Variants in CEACAM4 observed in about 807,000 individuals in gnomAD.
CEACAM4 encodes CEA cell adhesion molecule 4, also known as cell adhesion molecule CEACAM4.
CEACAM4 carries 30 observed loss-of-function variants against 28.7 expected under a neutral mutation model. The ratio of observed to expected loss-of-function variants is 1.05; its 90% CI spans 0.78 to 1.42. CEACAM4 has a LOEUF of 1.42. Ranked by LOEUF, CEACAM4 falls within the 40% of genes most tolerant of loss-of-function variation. CEACAM4 has a pLI of 0.00. For missense variants in CEACAM4, 330 were observed against 308.2 expected (o/e 1.07, Z -0.53); for synonymous variants, 143 against 126.5 (o/e 1.13, Z -0.87).
chr19:41,616,833 G>A (rs2070990558), downstream of CEACAM4, among the ~76,000 whole-genome samples: 1 of 152,128 alleles, frequency 6.6e-6, no homozygotes. Flanking sequence ...CATGTTGTAG[G>A]CAGAGACAGT....
chr19:41,617,938 C>T (rs1389175718), downstream of CEACAM4, among the ~76,000 whole-genome samples: 1 of 149,694 alleles, frequency 6.7e-6, no homozygotes, highest in Admixed American at 6.6e-5. Flanking sequence ...AATCCTGATG[C>T]AAATCCCGAT....
rs1042495303 is a variant in CEACAM4 at position 41,625,719 on chromosome 19, G to A, written c.306C>T (p.Tyr102=). The A allele has an allele frequency of 6.2e-7, 1 of 1,614,024 alleles. No individual in the cohort carries two copies. The highest frequency in any genetic ancestry group is 8.5e-7 in the Non-Finnish European group (1 of 1,179,980). ...GAAYSGRETV[Y]PNGSLLFQNI... is the part of the protein sequence containing the mutation. ...TTTGGAACAGCAGGGATCCATTGGGGTATACTGTCTCTCGACCACTGTATG... is the reference window on the plus strand; with the variant it reads ...TTTGGAACAGCAGGGATCCATTGGGATATACTGTCTCTCGACCACTGTATG... The change falls in exon 2 of 7, where the codon TAC becomes TAT. Residue 102 remains tyrosine, a synonymous_variant. Transcript: ENST00000221954.
rs782393014 is a variant in CEACAM4 at position 41,626,958 on chromosome 19, G to A, written c.6C>T (p.Gly2=). M[G]PPSAAPRGGH... is the part of the protein sequence containing the mutation. ...CTCCACGGGGAGCGGCTGAGGGGGG[G>A]CCCATGGTCTCTGCTGCCTGCTTGT... is the stretch of plus-strand genomic sequence containing the variant. Residue 2 remains glycine, a synonymous_variant, in exon 1 of 7, where the codon GGC becomes GGT. Transcript: ENST00000221954. 1.2e-6 allele frequency: 2 copies of A among 1,603,990 alleles called. No individual in the cohort carries two copies. The highest frequency in any genetic ancestry group is 1.1e-5 in the South Asian group (1 of 90,240).
chr19:41,627,015 G>C lies in CEACAM4; in HGVS notation c.-52C>G, dbSNP rs782455279. The C allele has an allele frequency of 3.3e-6, 5 of 1,505,972 alleles. No individual in the cohort carries two copies. Among genetic ancestry groups the C allele is most frequent in the African/African-American group, 2.8e-5 (2 of 70,636 alleles). 93.3% of individuals were successfully genotyped at this position (1,505,972 alleles called of 1,614,324 possible). On this transcript the variant is annotated 5_prime_UTR_variant, in exon 1 of 7. Coordinates refer to ENST00000221954, the MANE Select transcript of CEACAM4 (RefSeq NM_001817.4). Reference sequence around the variant, plus strand: ...TGGAGAGGAGCTGGGCTCCAGGAACGCTCTTGTCAGAGCTGCTGTGACTGT... The same window carrying C: ...TGGAGAGGAGCTGGGCTCCAGGAACCCTCTTGTCAGAGCTGCTGTGACTGT...
At position 41,626,939 on chromosome 19, in the gene CEACAM4, G is replaced by C. The variant is rs782580933; in HGVS notation, c.25C>G (p.Arg9Gly). Residue 9 changes from arginine (R) to glycine (G), a missense_variant, in exon 1 of 7, where the codon CGT (arginine) becomes GGT (glycine). By Grantham distance (125) the Arg-to-Gly change is moderately radical. Coordinates refer to ENST00000221954, the MANE Select transcript of CEACAM4 (RefSeq NM_001817.4). ...CCCTGCCAGGGCCTGTGCCCTCCAC[G>C]GGGAGCGGCTGAGGGGGGGCCCATG... MGPPSAAP[R>G]GGHRPWQGLL... The C allele has an allele frequency of 1.2e-6, 2 of 1,606,456 alleles. No homozygotes were observed. Among genetic ancestry groups the C allele is most frequent in the East Asian group, 2.3e-5 (1 of 44,204 alleles).
chr19:41,623,774 T>C (rs2071465897), intron 2 of CEACAM4, among the ~76,000 whole-genome samples: 1 of 152,162 alleles, frequency 6.6e-6, no homozygotes, highest in Non-Finnish European at 1.5e-5. Context: ...CTGAACTTGC[T>C]AAGAAGAACA....
chr19:41,615,729 T>C (rs570297497), downstream of CEACAM4, among the ~76,000 whole-genome samples: 2,163 of 152,118 alleles, frequency 0.014, 54 homozygotes, highest in African/African-American at 0.05. Flanking sequence ...CCTGGTGGCT[T>C]CTCAGGTGTG....
chr19:41,620,533 C>A (rs782208493), intron 4 of CEACAM4, 42 bp downstream of exon 4: 9 of 1,564,728 alleles, frequency 5.8e-6, no homozygotes, highest in Non-Finnish European at 7.9e-6. Context: ...CACCGTAGGG[C>A]AGGCCTAGGG....
rs868958677 is a variant in CEACAM4, at chr19:41,625,520, G to A, written c.424+81C>T. 1.2e-4 allele frequency: 175 copies of A among 1,493,946 alleles called. 1 individual carries two copies. The Middle Eastern group carries it at 5.2e-3, about 45-fold the overall frequency. The allele number at this position is 1,493,946 out of a possible 1,614,324, so 92.5% of individuals were successfully genotyped here. On this transcript the variant is annotated intron_variant, in intron 2 of 6. Transcript: ENST00000221954. ...GGGACAAAATGCAGAGGGGGATGCAGGCACAGCCCAGGCCTGACAATCTCA... is the reference window on the plus strand; with the variant it reads ...GGGACAAAATGCAGAGGGGGATGCAAGCACAGCCCAGGCCTGACAATCTCA...
chr19:41,621,648 T>C lies in CEACAM4; in HGVS notation c.542+3A>G. Reference sequence around the variant, plus strand: ...GGAGGAGGCTGGGGAAAAGCTGCGGTACCTTCCAGTCCTGGAGAGAAGCAG... The same window carrying C: ...GGAGGAGGCTGGGGAAAAGCTGCGGCACCTTCCAGTCCTGGAGAGAAGCAG... On this transcript the variant is annotated splice_donor_region_variant and intron_variant, in intron 3 of 6. Coordinates refer to ENST00000221954, the MANE Select transcript of CEACAM4 (RefSeq NM_001817.4). 2 of 1,556,108 alleles carry C rather than the reference T, an allele frequency of 1.3e-6. No individual in the cohort carries two copies. Among genetic ancestry groups the C allele is most frequent in the Non-Finnish European group, 1.8e-6 (2 of 1,128,244 alleles).
downstream of CEACAM4, among the ~76,000 whole-genome samples, chr19:41,618,125 G>A (rs181868641): frequency 9.5e-4 from 144 of 152,258 alleles, no homozygotes; most frequent in Non-Finnish European, 1.7e-3. Flanking sequence ...ACCCTTCCAG[G>A]GGCCCTCAGG....
downstream of CEACAM4, among the ~76,000 whole-genome samples, chr19:41,616,092 C>A (rs907254398): frequency 6.6e-6 from 1 of 152,078 alleles, no homozygotes; most frequent in South Asian, 2.1e-4. Flanking sequence ...TGCAGTGGTG[C>A]GATCTCAGCT....
intron 5 of CEACAM4, among the ~76,000 whole-genome samples, chr19:41,619,918 C>T (rs1404619545): frequency 6.6e-6 from 1 of 152,188 alleles, no homozygotes; most frequent in African/African-American, 2.4e-5. Flanking sequence ...CTGGGCCCAC[C>T]CCGCACCCTT....
intron 6 of CEACAM4, 22 bp from the exon 7 acceptor site, chr19:41,619,417 C>A: frequency 6.2e-7 from 1 of 1,612,730 alleles, no homozygotes. Flanking sequence ...GAGAAGAGGC[C>A]TCAACCCCTG....
At chr19:41,624,236 A>T (rs1555802896) in intron 2 of CEACAM4, among the ~76,000 whole-genome samples, 1 of 152,192 alleles carries the variant, frequency 6.6e-6, no homozygotes, top group Non-Finnish European at 1.5e-5. Context: ...TGAAGAGGTT[A>T]TAGATCATTC....
intron 2 of CEACAM4, among the ~76,000 whole-genome samples, chr19:41,622,793 C>T (rs117746288): frequency 0.028 from 4,170 of 150,856 alleles, 91 homozygotes; most frequent in Non-Finnish European, 0.043. Context: ...AACATCCTCA[C>T]AACCACTCTG....
Position 41,621,788 on chromosome 19 carries a change from A to G in CEACAM4, c.425-20T>C, listed in dbSNP as rs990709297. 2.2e-5 allele frequency: 32 copies of G among 1,432,920 alleles called. No individual in the cohort carries two copies. The highest frequency in any genetic ancestry group is 3.1e-5 in the Non-Finnish European group (32 of 1,019,008). The allele number at this position is 1,432,920 out of a possible 1,614,324, so 88.8% of individuals were successfully genotyped here. A position where few individuals can be genotyped will look rare whatever the true frequency, so the allele number is the denominator to read the frequency against. ...TGTTTTCTGCAGAAAGGGGAAGGCA[A>G]AGGGGACAAGGCCCAAGTTTGTTCC... On this transcript the variant is annotated intron_variant, in intron 2 of 6. Transcript: ENST00000221954.
downstream of CEACAM4, among the ~76,000 whole-genome samples, chr19:41,617,189 C>T (rs539419947): frequency 5.3e-5 from 8 of 152,220 alleles, no homozygotes; most frequent in East Asian, 1.9e-4. Flanking sequence ...ATTGAAGGGC[C>T]GGTGAGTTGT....
At chr19:41,614,585 C>T (rs1211597658), downstream of CEACAM4, among the ~76,000 whole-genome samples, 8 of 152,170 alleles carry the variant, frequency 5.3e-5, no homozygotes, top group African/African-American at 1.7e-4. Context: ...CCCTCTTAAC[C>T]GTCCATCCTC....
Sources: gnomAD v4.1 joint callset for allele counts (sites outside exome capture counted in the v4.1 genomes callset) on GRCh38, gnomAD v4.1.1 for gene constraint, MANE v1.5 for transcripts, NCBI Gene and HGNC (gene_info 2026-07-23, HGNC 2026-07-21) for gene names.